NEK1: variants seen among roughly 807,000 people sequenced by gnomAD.
NEK1 encodes the protein serine/threonine-protein kinase Nek1.
A neutral mutation model predicts 182.1 loss-of-function variants in NEK1; 137 were observed. That is an observed-to-expected ratio of 0.75 (90% CI 0.65 to 0.87). The LOEUF (loss-of-function observed/expected upper bound fraction) is 0.87. NEK1 is among the 40% of genes least tolerant of loss of function. NEK1 has a pLI of 0.00. For synonymous variants in NEK1, 513 were observed against 492.2 expected, an observed-to-expected ratio of 1.04 and a Z score of -0.56; for missense variants, 1,391 against 1,494.4, an observed-to-expected ratio of 0.93 and a Z score of 1.14.
chr4:169,547,382 C>T (rs1461199792), intron 18 of NEK1, among the ~76,000 whole-genome samples: 5 of 152,108 alleles, frequency 3.3e-5, no homozygotes, highest in African/African-American at 2.4e-5. Flanking sequence ...GTAACCTGAC[C>T]TTTCTCTCTG....
At chr4:169,575,560 C>T (rs925529088) in intron 12 of NEK1, among the ~76,000 whole-genome samples, 3 of 152,192 alleles carry the variant, frequency 2.0e-5, no homozygotes, top group African/African-American at 7.2e-5. Context: ...TCTGCTGGTG[C>T]CTCAGCCAGC....
chr4:169,603,112 T>C (rs184050522), intron 2 of NEK1, among the ~76,000 whole-genome samples: 3 of 152,308 alleles, frequency 2.0e-5, no homozygotes, highest in Admixed American at 1.3e-4. Flanking sequence ...TTTGTACACA[T>C]ATTTTAATGT....
Position 169,590,710 on chromosome 4 carries a change from T to C in NEK1, c.396+16A>G. 1 of 1,553,068 alleles carries C rather than the reference T, an allele frequency of 6.4e-7. No homozygotes were observed. The highest frequency in any genetic ancestry group is 1.4e-5 in the African/African-American group (1 of 73,794). Reference sequence around the variant, plus strand: ...TCTTTATCCATTCAGAAGTTATCAGTGACAGAATAACATACCTGAGATTTA... The same window carrying C: ...TCTTTATCCATTCAGAAGTTATCAGCGACAGAATAACATACCTGAGATTTA... On this transcript the variant is annotated intron_variant, in intron 6 of 35. Coordinates refer to ENST00000507142, the MANE Select transcript of NEK1 (RefSeq NM_001199397.3).
intron 27 of NEK1, among the ~76,000 whole-genome samples, chr4:169,444,600 C>A (rs1013163092): frequency 1.3e-5 from 2 of 152,122 alleles, no homozygotes; most frequent in African/African-American, 2.4e-5. Context: ...AACAGCAGAA[C>A]CCCTAGATAT....
chr4:169,430,053 T>G (rs981202049), intron 29 of NEK1, among the ~76,000 whole-genome samples: 2 of 152,246 alleles, frequency 1.3e-5, no homozygotes, highest in African/African-American at 2.4e-5. Flanking sequence ...TTATGTTGAT[T>G]AGAAATCTTT....
chr4:169,492,188 T>C (rs1750220752), intron 23 of NEK1, among the ~76,000 whole-genome samples: 2 of 152,122 alleles, frequency 1.3e-5, no homozygotes, highest in Admixed American at 1.3e-4. Flanking sequence ...AATCAAAAGA[T>C]TTAGAATGGA....
At chr4:169,565,765 CAG>C (rs1763575583) in intron 12 of NEK1, among the ~76,000 whole-genome samples, 1 of 152,036 alleles carries the variant, frequency 6.6e-6, no homozygotes, top group South Asian at 2.1e-4. Flanking sequence ...TGTATAGAAA[CAG>C]AAAGTAGATT....
chr4:169,565,409 T>C (rs746889810), intron 12 of NEK1, among the ~76,000 whole-genome samples: 1 of 152,184 alleles, frequency 6.6e-6, no homozygotes, highest in Non-Finnish European at 1.5e-5. Context: ...ACCCCTTGTT[T>C]TAAAATAATT....
intron 23 of NEK1, among the ~76,000 whole-genome samples, chr4:169,500,658 C>T (rs1200082413): frequency 1.3e-5 from 2 of 152,166 alleles, no homozygotes; most frequent in African/African-American, 4.8e-5. Flanking sequence ...GCCTGCCAAG[C>T]TAAGTAAGCT....
Position 169,577,060 on chromosome 4 carries a change from T to C in NEK1, c.888A>G (p.Gly296=). The part of the protein sequence containing the change: ...QPIPAKRPAS[G]QNSISVMPAQ... ...CAGGCATAACAGAAATCGAGTTTTGTCCTGAAGCTGGTCTTTTAGCTAGAT... is the reference window on the plus strand; with the variant it reads ...CAGGCATAACAGAAATCGAGTTTTGCCCTGAAGCTGGTCTTTTAGCTAGAT... Residue 296 remains glycine (G), a synonymous_variant, in exon 12 of 36, where the codon GGA becomes GGG. Transcript: ENST00000507142. 6.2e-7 allele frequency: 1 copy of C among 1,613,720 alleles called. No individual in the cohort carries two copies. Among genetic ancestry groups the C allele is most frequent in the Non-Finnish European group, 8.5e-7 (1 of 1,179,748 alleles).
At chr4:169,508,394 C>G in intron 20 of NEK1, 63 bp from the exon 21 acceptor site, 1 of 1,334,652 alleles carries the variant, frequency 7.5e-7, no homozygotes, top group African/African-American at 1.5e-5. Context: ...ATTTTTACTG[C>G]TAGATTTTTT....
At chr4:169,588,005 C>T (rs909105687) in intron 8 of NEK1, among the ~76,000 whole-genome samples, 1 of 151,990 alleles carries the variant, frequency 6.6e-6, no homozygotes, top group Admixed American at 6.5e-5. Flanking sequence ...GCAACAGCTA[C>T]TGACTAATGT....
At chr4:169,446,027 A>T (rs1005723408) in intron 27 of NEK1, among the ~76,000 whole-genome samples, 11 of 151,984 alleles carry the variant, frequency 7.2e-5, no homozygotes. Context: ...AGCTAAAAAA[A>T]TTGATCTCAT....
intron 29 of NEK1, among the ~76,000 whole-genome samples, chr4:169,430,579 T>C (rs1412185188): frequency 6.6e-6 from 1 of 152,090 alleles, no homozygotes; most frequent in Non-Finnish European, 1.5e-5. Flanking sequence ...AAAAGGTCAG[T>C]GGCTGCCAGG....
intron 27 of NEK1, among the ~76,000 whole-genome samples, chr4:169,443,105 C>A (rs572035103): frequency 2.2e-5 from 2 of 92,320 alleles, no homozygotes; most frequent in Non-Finnish European, 4.6e-5. Context: ...CTATCTATCT[C>A]ATAATTTGAG....
At chr4:169,435,898 C>T (rs560387846) in intron 28 of NEK1, among the ~76,000 whole-genome samples, 1 of 152,250 alleles carries the variant, frequency 6.6e-6, no homozygotes, top group East Asian at 1.9e-4. Flanking sequence ...TGTGAGATAA[C>T]ATAAAATAAA....
At chr4:169,601,928 T>G in intron 4 of NEK1, 80 bp downstream of exon 4, 3 of 983,066 alleles carry the variant, frequency 3.1e-6, no homozygotes, top group Non-Finnish European at 1.6e-6. Context: ...AAAAATGGTA[T>G]CTTTTTCCTA....
chr4:169,400,361 T>C lies in NEK1; in HGVS notation c.3715-4A>G. 6.8e-7 allele frequency: 1 copy of C among 1,480,410 alleles called. No homozygotes were observed. Among genetic ancestry groups the C allele is most frequent in the Admixed American group, 2.4e-5 (1 of 41,404 alleles). 91.7% of individuals were successfully genotyped at this position (1,480,410 alleles called of 1,614,324 possible). On this transcript the variant is annotated splice_region_variant and splice_polypyrimidine_tract_variant and intron_variant, in intron 34 of 35. Transcript: ENST00000507142. ...CATCTTCATCTTCATGAATAGCCTA[T>C]ACCAAATTCCCAAATATAAATTAAT...
chr4:169,471,576 T>C (rs559022737), intron 26 of NEK1, among the ~76,000 whole-genome samples: 2 of 152,010 alleles, frequency 1.3e-5, no homozygotes, highest in Non-Finnish European at 2.9e-5. Flanking sequence ...TGCTGGGAGG[T>C]GTCTCCCAGT....
Sources: allele counts gnomAD v4.1 joint callset (sites outside exome capture counted in the v4.1 genomes callset), GRCh38; gene constraint gnomAD v4.1.1; transcripts MANE v1.5; gene names NCBI Gene and HGNC (gene_info 2026-07-23, HGNC 2026-07-21).